The following ADGRG7 variants were observed in gnomAD, a reference collection of about 807,000 sequenced individuals.
ADGRG7 encodes adhesion G protein-coupled receptor G7, also known as G-protein coupled receptor 128.
Under a neutral mutation model 88.6 loss-of-function variants are expected in ADGRG7, and 82 were observed. That is an observed-to-expected ratio of 0.93 (90% CI 0.77 to 1.11). ADGRG7 has a LOEUF of 1.11. Among genes scored for constraint, ADGRG7 ranks in the 50% most tolerant of loss-of-function variants. ADGRG7 has a pLI of 0.00. For missense variants in ADGRG7, 945 were observed against 953.4 expected (o/e 0.99, Z 0.12); for synonymous variants, 381 against 345.2 (o/e 1.10, Z -1.15).
intron 1 of ADGRG7, among the ~76,000 whole-genome samples, chr3:100,611,879 C>T (rs1012130959): frequency 6.6e-6 from 1 of 152,222 alleles, no homozygotes; most frequent in Non-Finnish European, 1.5e-5. Context: ...CTCTACTCCA[C>T]TTCTTTTTAT....
chr3:100,684,547 C>A (rs934735909), intron 15 of ADGRG7, among the ~76,000 whole-genome samples: 3 of 152,104 alleles, frequency 2.0e-5, no homozygotes, highest in African/African-American at 7.2e-5. Flanking sequence ...GGATTATAGG[C>A]CTGAGCCACT....
At chr3:100,677,781 G>T (rs1392751831) in intron 15 of ADGRG7, among the ~76,000 whole-genome samples, 1 of 152,060 alleles carries the variant, frequency 6.6e-6, no homozygotes, top group East Asian at 1.9e-4. Flanking sequence ...TACTGAGAAA[G>T]CTGCTGCCAG....
At position 100,637,211 on chromosome 3, in the gene ADGRG7, A is replaced by G. The variant is rs1014798510; in HGVS notation, c.598-91A>G. The G allele has an allele frequency of 3.9e-5, 33 of 855,968 alleles. No individual in the cohort carries two copies. In the African/African-American group the frequency reaches 4.7e-4, roughly 12 times the overall value. The allele number at this position is 855,968 out of a possible 1,614,324, so 53.0% of individuals were successfully genotyped here. ...TCTACATTATCATATCAGTGATGCCACTTGCTACTACAATGATTCATGATG... is the reference window on the plus strand; with the variant it reads ...TCTACATTATCATATCAGTGATGCCGCTTGCTACTACAATGATTCATGATG... On this transcript the variant is annotated intron_variant, in intron 5 of 15. Transcript: ENST00000273352.
At chr3:100,624,286 T>A (rs1707352500) in intron 1 of ADGRG7, among the ~76,000 whole-genome samples, 1 of 152,204 alleles carries the variant, frequency 6.6e-6, no homozygotes, top group African/African-American at 2.4e-5. Context: ...TCTGTAATGA[T>A]CAGTGTGAAG....
At chr3:100,666,484 T>C (rs1490114665) in intron 14 of ADGRG7, among the ~76,000 whole-genome samples, 3 of 152,222 alleles carry the variant, frequency 2.0e-5, no homozygotes, top group Non-Finnish European at 4.4e-5. Flanking sequence ...ATCTCAATGC[T>C]TTACGAAGCA....
chr3:100,626,239 G>A (rs1361293777), intron 1 of ADGRG7, among the ~76,000 whole-genome samples: 1 of 152,142 alleles, frequency 6.6e-6, no homozygotes, highest in Non-Finnish European at 1.5e-5. Context: ...AGTCTTGTGA[G>A]GGTGTATGTG....
At chr3:100,690,468 T>C (rs1173207688) in intron 15 of ADGRG7, among the ~76,000 whole-genome samples, 1 of 152,220 alleles carries the variant, frequency 6.6e-6, no homozygotes, top group East Asian at 1.9e-4. Context: ...TTCAGGTTTT[T>C]CTGCTCGGTT....
Position 100,644,890 on chromosome 3 carries a change from C to A in ADGRG7, c.947-1055C>A, listed in dbSNP as rs541635552. ...AACCTTGCTCCATTATTAGGGTTAA[C>A]TTTTCATTTAGGGTCCAGGAGAAAC... On this transcript the variant is annotated intron_variant, in intron 8 of 15. Transcript: ENST00000273352. Among the ~76,000 whole-genome samples the A allele has an allele frequency of 2.7e-4, 41 of 152,174 alleles. 1 individual carries two copies. In the South Asian group the frequency reaches 8.3e-3, roughly 31 times the overall value.
In ADGRG7 at chr3:100,690,596, C is replaced by T. The variant is rs927944977; in HGVS notation, c.2137-4148C>T. 3.9e-5 allele frequency among the ~76,000 whole-genome samples: 6 copies of T among 152,268 alleles called. No homozygotes were observed. In the South Asian group the frequency reaches 1.2e-3, roughly 32 times the overall value. On this transcript the variant is annotated intron_variant, in intron 15 of 15. Transcript: ENST00000273352. ...AGTTTTCCTTCTAACAGTCAGGACC[C>T]TCAGCTGCAGGTCTGTTGGAGTTTG...
At chr3:100,688,297 A>G (rs578043261) in intron 15 of ADGRG7, among the ~76,000 whole-genome samples, 55 of 152,178 alleles carry the variant, frequency 3.6e-4, no homozygotes, top group Non-Finnish European at 6.8e-4. Flanking sequence ...CTAGTGGTCT[A>G]TCAATTTTGT....
chr3:100,653,116 G>C (rs1022986720), intron 11 of ADGRG7, among the ~76,000 whole-genome samples: 2 of 152,168 alleles, frequency 1.3e-5, no homozygotes, highest in Admixed American at 1.3e-4. Context: ...GTTCTGAAAA[G>C]TCTTGCAGAA....
chr3:100,609,730 T>G lies in ADGRG7; in HGVS notation c.-127T>G, dbSNP rs1451451117. 1.6e-6 allele frequency: 1 copy of G among 639,966 alleles called. No individual in the cohort carries two copies. Among genetic ancestry groups the G allele is most frequent in the East Asian group, 3.0e-5 (1 of 33,710 alleles). The allele number at this position is 639,966 out of a possible 1,614,324, so 39.6% of individuals were successfully genotyped here. ...GTCCTAAAATACAAAGACATCCATC[T>G]GACAGATCACTGAGGGGAGGACTTG... On this transcript the variant is annotated 5_prime_UTR_variant, in exon 1 of 16. Transcript: ENST00000273352.
intron 6 of ADGRG7, among the ~76,000 whole-genome samples, chr3:100,641,140 T>C (rs1707635714): frequency 6.6e-6 from 1 of 152,090 alleles, no homozygotes; most frequent in African/African-American, 2.4e-5. Flanking sequence ...CAGAATCTAG[T>C]TTAAAGAGAG....
chr3:100,691,000 G>T (rs1365035058), intron 15 of ADGRG7, among the ~76,000 whole-genome samples: 2 of 152,222 alleles, frequency 1.3e-5, no homozygotes, highest in Admixed American at 1.3e-4. Flanking sequence ...CTTGAGCTGT[G>T]GTGGGCTCCA....
chr3:100,674,351 G>A (rs1192105339), intron 15 of ADGRG7, among the ~76,000 whole-genome samples: 2 of 152,098 alleles, frequency 1.3e-5, no homozygotes, highest in East Asian at 3.9e-4. Context: ...TTTTGATAGA[G>A]ATTGCATAGA....
At chr3:100,682,604 C>T (rs1002502798) in intron 15 of ADGRG7, among the ~76,000 whole-genome samples, 9 of 152,188 alleles carry the variant, frequency 5.9e-5, no homozygotes, top group Non-Finnish European at 1.3e-4. Flanking sequence ...CCAGTCAGGG[C>T]CATGAGCCAG....
intron 1 of ADGRG7, among the ~76,000 whole-genome samples, chr3:100,610,612 G>A (rs1707133166): frequency 6.6e-6 from 1 of 152,184 alleles, no homozygotes; most frequent in Non-Finnish European, 1.5e-5. Flanking sequence ...GGGAGGGGAA[G>A]TAGTGAGTAA....
chr3:100,685,272 C>T (rs914641011), intron 15 of ADGRG7, among the ~76,000 whole-genome samples: 3 of 152,058 alleles, frequency 2.0e-5, no homozygotes, highest in Admixed American at 6.5e-5. Context: ...TGGCAATGAC[C>T]TTTATTCATT....
chr3:100,649,823 G>C lies in ADGRG7; in HGVS notation c.1379+16G>C. 7.1e-7 allele frequency: 1 copy of C among 1,417,908 alleles called. No homozygotes were observed. The highest frequency in any genetic ancestry group is 2.3e-5 in the East Asian group (1 of 43,704). 87.8% of individuals were successfully genotyped at this position (1,417,908 alleles called of 1,614,324 possible). ...TTGTCACCAGGTAAGAGCAGAAGCA[G>C]GCTCTTTTCAGAAGAGAAATTGCTA... is the stretch of plus-strand genomic sequence containing the variant. On this transcript the variant is annotated intron_variant, in intron 11 of 15. Transcript: ENST00000273352.
Sources: gnomAD v4.1 joint callset for allele counts (sites outside exome capture counted in the v4.1 genomes callset) on GRCh38, gnomAD v4.1.1 for gene constraint, MANE v1.5 for transcripts, NCBI Gene and HGNC (gene_info 2026-07-23, HGNC 2026-07-21) for gene names.